The following BEST4 variants were observed in gnomAD, a reference collection of about 807,000 sequenced individuals.
The protein encoded by BEST4 is bestrophin-4.
Under a neutral mutation model 47.1 loss-of-function variants are expected in BEST4, and 36 were observed. The observed-to-expected ratio is 0.76, with a 90% CI of 0.59 to 1.01. The LOEUF (loss-of-function observed/expected upper bound fraction) is 1.01, where lower values mean the gene tolerates loss of function less well. BEST4 is among the 50% of genes least tolerant of loss of function. The pLI, the probability that BEST4 is intolerant of heterozygous loss-of-function variation, is 0.00. For missense variants in BEST4, 550 were observed against 648.6 expected (o/e 0.85, Z 1.65); for synonymous variants, 250 against 277.8 (o/e 0.90, Z 1.00).
Position 44,784,194 on chromosome 1 carries a change from G to C in BEST4, c.*16C>G. 14 of 1,394,674 alleles carry C rather than the reference G, an allele frequency of 1.0e-5. No homozygotes were observed. Among genetic ancestry groups the C allele is most frequent in the Non-Finnish European group, 1.2e-5 (13 of 1,084,060 alleles). The allele number at this position is 1,394,674 out of a possible 1,614,324, so 86.4% of individuals were successfully genotyped here. A position where few individuals can be genotyped will look rare whatever the true frequency, so the allele number is the denominator to read the frequency against. Reference sequence around the variant, plus strand: ...GGGCAGTGGGTGGGGGAAACCGGGCGGGGGCAGGCGAGACCTCAGGGCTCC... The same window carrying C: ...GGGCAGTGGGTGGGGGAAACCGGGCCGGGGCAGGCGAGACCTCAGGGCTCC... On this transcript the variant is annotated 3_prime_UTR_variant, in exon 9 of 9. Transcript: ENST00000372207. This position sits in a 1 kb window ranked among gnomAD's most constrained non-coding sequence, Gnocchi z 6.2.
In BEST4 at chr1:44,783,928, A is replaced by C. The variant is rs539514969; in HGVS notation, c.*282T>G. 1.2e-4 allele frequency: 42 copies of C among 340,124 alleles called. No individual in the cohort carries two copies. The highest frequency in any genetic ancestry group is 2.1e-4 in the Non-Finnish European group (40 of 189,200). 21.1% of individuals were successfully genotyped at this position (340,124 alleles called of 1,614,324 possible). A position where few individuals can be genotyped will look rare whatever the true frequency, so the allele number is the denominator to read the frequency against. The stretch of plus-strand genomic sequence containing the variant: ...ATGGCCTAGCTCCCTGTTGCTGTGA[A>C]GCTAACCGTGCACCTGGGCTCTAGT... On this transcript the variant is annotated 3_prime_UTR_variant, in exon 9 of 9. Coordinates refer to ENST00000372207, the MANE Select transcript of BEST4 (RefSeq NM_153274.3).
chr1:44,785,473 T>C (rs1651185221), intron 5 of BEST4, 126 bp downstream of exon 5: 2 of 1,210,582 alleles, frequency 1.7e-6, no homozygotes, highest in Non-Finnish European at 1.2e-6. Flanking sequence ...GGGGGGCTTT[T>C]AGGATGAACC....
At position 44,786,901 on chromosome 1, in the gene BEST4, T is replaced by A. The variant is rs1321256937; in HGVS notation, c.248-205A>T. ...TCCTTCAGCAGAGGGAAAGTGGGGA[T>A]TCAAAGCCAGGAGACTGCTTCCCAG... On this transcript the variant is annotated intron_variant, in intron 2 of 8. Coordinates refer to ENST00000372207, the MANE Select transcript of BEST4 (RefSeq NM_153274.3). The surrounding 1 kb of genome is among the most constrained non-coding windows in gnomAD (Gnocchi z 4.9). Among the ~76,000 whole-genome samples the A allele has an allele frequency of 6.6e-6, 1 of 152,106 alleles. No individual in the cohort carries two copies. The highest frequency in any genetic ancestry group is 1.5e-5 in the Non-Finnish European group (1 of 68,016).
chr1:44,791,032 T>C (rs1186559316), upstream of BEST4, among the ~76,000 whole-genome samples: 1 of 151,860 alleles, frequency 6.6e-6, no homozygotes, highest in Non-Finnish European at 1.5e-5. Flanking sequence ...CCACCCCCTC[T>C]TTTGTTCTCC....
chr1:44,786,051 G>T lies in BEST4; in HGVS notation c.636+23C>A, dbSNP rs764980649. The T allele has an allele frequency of 5.0e-5, 79 of 1,569,666 alleles. 1 individual carries two copies. The South Asian group carries it at 9.2e-4, about 18-fold the overall frequency. On this transcript the variant is annotated intron_variant, in intron 4 of 8. Coordinates refer to ENST00000372207, the MANE Select transcript of BEST4 (RefSeq NM_153274.3). This position sits in a 1 kb window ranked among gnomAD's most constrained non-coding sequence, Gnocchi z 4.9. ...AAAATTAGAGGGAGGAGGGCAGATG[G>T]GTCTGGTCCTGAGCCCACTCACTTC... is the stretch of plus-strand genomic sequence containing the variant.
upstream of BEST4, among the ~76,000 whole-genome samples, chr1:44,791,133 G>C (rs1651396266): frequency 2.0e-5 from 3 of 151,754 alleles, no homozygotes; most frequent in African/African-American, 7.3e-5. Context: ...CCAAGATCTG[G>C]AAAACTACTC....
At chr1:44,785,752 G>GGC in intron 4 of BEST4, 76 bp from the exon 5 acceptor site, 1 of 1,291,978 alleles carries the variant, frequency 7.7e-7, no homozygotes, top group Non-Finnish European at 1.1e-6. Context: ...CTAGGCCTGG[G>GGC]CCTGGCCAGG....
At position 44,787,682 on chromosome 1, in the gene BEST4, T is replaced by A. The variant is rs1224148316; in HGVS notation, c.24A>T (p.Lys8Asn). The A allele has an allele frequency of 3.1e-6, 5 of 1,614,116 alleles. No homozygotes were observed. The South Asian group carries it at 5.5e-5, about 18-fold the overall frequency. The change falls in exon 1 of 9, where the codon AAA becomes AAT. Residue 8 changes from lysine to asparagine, a missense_variant. Physicochemically the swap from Lys to Asn is moderately conservative, Grantham distance 94. Transcript: ENST00000372207. MTVSYTL[K>N]VAEARFGGFS... ...AACCTCCGAAGCGGGCCTCCGCCAC[T>A]TTGAGAGTGTATGAAACCGTCATGG...
rs140513742 is a variant in BEST4 at position 44,787,663 on chromosome 1, C to T, written c.43G>A (p.Gly15Arg). ...YTLKVAEARF[G>R]GFSGLLLRWR... Reference sequence around the variant, plus strand: ...CGGAGAAGCAGGCCAGAGAAACCTCCGAAGCGGGCCTCCGCCACTTTGAGA... The same window carrying T: ...CGGAGAAGCAGGCCAGAGAAACCTCTGAAGCGGGCCTCCGCCACTTTGAGA... The change falls in exon 1 of 9, where the codon GGA becomes AGA. Residue 15 changes from glycine to arginine, a missense_variant. This residue lies in a region of BEST4 where 291 missense variants were observed against 342.4 expected (regional missense o/e 0.85). Coordinates refer to ENST00000372207, the MANE Select transcript of BEST4 (RefSeq NM_153274.3). The T allele has an allele frequency of 2.4e-5, 39 of 1,614,092 alleles. No homozygotes were observed. The highest frequency in any genetic ancestry group is 5.3e-5 in the African/African-American group (4 of 74,934).
In BEST4 at chr1:44,784,504, T is replaced by C; in HGVS notation, c.1149-21A>G. 5.7e-6 allele frequency: 7 copies of C among 1,228,374 alleles called. No individual in the cohort carries two copies. The highest frequency in any genetic ancestry group is 7.8e-6 in the Non-Finnish European group (7 of 902,812). 76.1% of individuals were successfully genotyped at this position (1,228,374 alleles called of 1,614,324 possible). A position where few individuals can be genotyped will look rare whatever the true frequency, so the allele number is the denominator to read the frequency against. ...TCATGCTGCGGGCGGGAGGGCGGGC[T>C]GAGCCGGGGCACAGGGCGGGAGCGG... On this transcript the variant is annotated intron_variant, in intron 8 of 8. Transcript: ENST00000372207. This position sits in a 1 kb window ranked among gnomAD's most constrained non-coding sequence, Gnocchi z 6.2.
chr1:44,791,381 A>G (rs1161198116), upstream of BEST4, among the ~76,000 whole-genome samples: 1 of 151,848 alleles, frequency 6.6e-6, no homozygotes, highest in East Asian at 1.9e-4. Context: ...GCTGCTTACC[A>G]CTTAAAGATG....
At position 44,786,997 on chromosome 1, in the gene BEST4, C is replaced by A. The variant is rs765413426; in HGVS notation, c.248-301G>T. 6.6e-6 allele frequency among the ~76,000 whole-genome samples: 1 copy of A among 152,154 alleles called. No individual in the cohort carries two copies. The highest frequency in any genetic ancestry group is 1.5e-5 in the Non-Finnish European group (1 of 68,022). ...GCCCAGGGTGGGCTTGTGAGGCCAG[C>A]AGGTGTCTTGTGCCTTGCTGGAAGT... On this transcript the variant is annotated intron_variant, in intron 2 of 8. Transcript: ENST00000372207. The surrounding 1 kb of genome is among the most constrained non-coding windows in gnomAD (Gnocchi z 4.9).
Position 44,786,092 on chromosome 1 carries a change from A to G in BEST4, c.618T>C (p.Ala206=), listed in dbSNP as rs1651205676. 2 of 1,609,434 alleles carry G rather than the reference A, an allele frequency of 1.2e-6. No individual in the cohort carries two copies. The highest frequency in any genetic ancestry group is 1.7e-5 in the Admixed American group (1 of 58,580). Residue 206 remains alanine (A), a synonymous_variant, in exon 4 of 9, where the codon GCT becomes GCC. Coordinates refer to ENST00000372207, the MANE Select transcript of BEST4 (RefSeq NM_153274.3). The surrounding 1 kb of genome is among the most constrained non-coding windows in gnomAD (Gnocchi z 4.9). ...RRDGRIRDDI[A]LCLLLEELNK... ...CACTCACTTCCAAAAGTAGACAGAG[A>G]GCGATATCGTCACGTATTCGCCCGT...
At chr1:44,787,177 C>T (rs1021193006) in intron 2 of BEST4, among the ~76,000 whole-genome samples, 195 bp downstream of exon 2, 1 of 143,478 alleles carries the variant, frequency 7.0e-6, no homozygotes, top group Non-Finnish European at 1.5e-5. Context: ...AGCAGAGTCT[C>T]GCTACATTGC....
In BEST4 at chr1:44,785,267, G is replaced by T. The variant is rs766763709; in HGVS notation, c.753C>A (p.Ser251=). The change falls in exon 6 of 9, where the codon TCC becomes TCA. Residue 251 remains serine (S), a synonymous_variant. Coordinates refer to ENST00000372207, the MANE Select transcript of BEST4 (RefSeq NM_153274.3). ...TIAVYSFFAL[S]LVGRQFVEPE... ...GCTCCACAAACTGGCGGCCAACCAG[G>T]GAGAGGGCAAAGAAAGAGTAGACGG... 1 of 1,611,904 alleles carries T rather than the reference G, an allele frequency of 6.2e-7. No individual in the cohort carries two copies. The highest frequency in any genetic ancestry group is 8.5e-7 in the Non-Finnish European group (1 of 1,178,936).
chr1:44,788,383 T>C (rs575862425), upstream of BEST4, among the ~76,000 whole-genome samples: 127 of 152,302 alleles, frequency 8.3e-4, no homozygotes, highest in African/African-American at 2.8e-3. Context: ...GACGACACCA[T>C]GTCCTTCAAG....
downstream of BEST4, among the ~76,000 whole-genome samples, chr1:44,782,235 G>GAAA (rs66802601): frequency 7.8e-6 from 1 of 128,130 alleles, no homozygotes; most frequent in African/African-American, 2.7e-5. Flanking sequence ...AAAAGCTGCA[G>GAAA]AAAAAAAAAA....
At chr1:44,789,092 C>A (rs1651336925), upstream of BEST4, among the ~76,000 whole-genome samples, 1 of 151,784 alleles carries the variant, frequency 6.6e-6, no homozygotes, top group South Asian at 2.1e-4. Flanking sequence ...CCTGTCTCTA[C>A]TAAAAATACA....
At chr1:44,791,954 C>A (rs907822128), upstream of BEST4, among the ~76,000 whole-genome samples, 4 of 152,102 alleles carry the variant, frequency 2.6e-5, no homozygotes, top group Non-Finnish European at 5.9e-5. Context: ...TTAAATTCCC[C>A]ATGAGAGGCC....
Sources: gnomAD v4.1 joint callset for allele counts (sites outside exome capture counted in the v4.1 genomes callset) on GRCh38, gnomAD v4.1.1 for gene constraint, gnomAD v4.1.1 regional missense constraint, Gnocchi (gnomAD v3.1) non-coding constraint, MANE v1.5 for transcripts, NCBI Gene and HGNC (gene_info 2026-07-23, HGNC 2026-07-21) for gene names.